The following SRFBP1 variants were observed in gnomAD, a reference collection of about 807,000 sequenced individuals.
SRFBP1 encodes the protein serum response factor binding protein 1, also known as serum response factor-binding protein 1.
Under a neutral mutation model 45.5 loss-of-function variants are expected in SRFBP1, and 47 were observed. That is an observed-to-expected ratio of 1.03 (90% CI 0.82 to 1.32). The LOEUF (loss-of-function observed/expected upper bound fraction) is 1.32, where lower values mean the gene tolerates loss of function less well. Ranked by LOEUF, SRFBP1 falls within the 40% of genes most tolerant of loss-of-function variation. The probability of loss-of-function intolerance (pLI) is 0.00; values close to 1 mark genes in which losing one functional copy is unlikely to be tolerated. For synonymous variants in SRFBP1, 203 were observed against 166.3 expected, an observed-to-expected ratio of 1.22 and a Z score of -1.70; for missense variants, 621 against 484.6, an observed-to-expected ratio of 1.28 and a Z score of -2.64.
chr5:122,059,581 T>A (rs1357863277), intron 2 of SRFBP1, among the ~76,000 whole-genome samples: 1 of 152,054 alleles, frequency 6.6e-6, no homozygotes, highest in Non-Finnish European at 1.5e-5. Context: ...GAGATAATAT[T>A]GGGAGAGGGA....
At chr5:121,967,866 T>C (rs1752106235) in intron 1 of SRFBP1, among the ~76,000 whole-genome samples, 1 of 152,200 alleles carries the variant, frequency 6.6e-6, no homozygotes, top group Non-Finnish European at 1.5e-5. Flanking sequence ...CCAATAATTT[T>C]GTTAACTATG....
chr5:122,052,137 C>T (rs140590751), intron 2 of SRFBP1, among the ~76,000 whole-genome samples: 3 of 152,068 alleles, frequency 2.0e-5, no homozygotes, highest in Non-Finnish European at 2.9e-5. Context: ...GATGGGATTC[C>T]CTTTATAGAT....
intron 2 of SRFBP1, among the ~76,000 whole-genome samples, chr5:122,045,007 C>A (rs1001603364): frequency 3.3e-5 from 5 of 152,092 alleles, no homozygotes; most frequent in Admixed American, 2.6e-4. Context: ...ACATTTAAGT[C>A]TTTAATCCAT....
chr5:122,020,191 T>A lies in SRFBP1; in HGVS notation c.456T>A (p.Asn152Lys). ...ATTCTGAGAATACTTTGTATTCAAA[T>A]GATAATGGAAGTAATTTACAGCGTG... is the stretch of plus-strand genomic sequence containing the variant. ...DNHSENTLYSNDNGSNLQREA... is the reference protein window; with the variant it reads ...DNHSENTLYSKDNGSNLQREA... The change falls in exon 6 of 8, where the codon AAT becomes AAA. Residue 152 changes from asparagine (N) to lysine (K), a missense_variant. Transcript: ENST00000339397. 1 of 1,612,084 alleles carries A rather than the reference T, an allele frequency of 6.2e-7. No individual in the cohort carries two copies. Among genetic ancestry groups the A allele is most frequent in the South Asian group, 1.1e-5 (1 of 90,344 alleles).
chr5:121,984,542 C>A (rs1018238218), intron 3 of SRFBP1, among the ~76,000 whole-genome samples: 1 of 151,860 alleles, frequency 6.6e-6, no homozygotes, highest in Non-Finnish European at 1.5e-5. Flanking sequence ...ATGGGCACAT[C>A]TATGAATAGA....
chr5:121,980,853 A>T (rs1250990012), intron 3 of SRFBP1, among the ~76,000 whole-genome samples: 1 of 152,152 alleles, frequency 6.6e-6, no homozygotes, highest in Non-Finnish European at 1.5e-5. Context: ...TAAGATGTTT[A>T]GAGATTTCTT....
chr5:121,997,918 C>T lies in SRFBP1; in HGVS notation c.270+3248C>T, dbSNP rs867675755. ...CAGCCAAAAAACACATGAAAAAATG[C>T]TCATCATCACTGGCCATCAGAGAAA... On this transcript the variant is annotated intron_variant, in intron 4 of 7. Transcript: ENST00000339397. Among the ~76,000 whole-genome samples, 595 of 149,590 alleles carry T rather than the reference C, an allele frequency of 4.0e-3. 6 individuals carry two copies. Among genetic ancestry groups the T allele is most frequent in the African/African-American group, 0.014 (569 of 40,880 alleles).
Position 121,968,696 on chromosome 5 carries a change from T to C in SRFBP1, c.37-5500T>C, listed in dbSNP as rs138518491. Among the ~76,000 whole-genome samples, 154 of 152,332 alleles carry C rather than the reference T, an allele frequency of 1.0e-3. 3 individuals carry two copies. The East Asian group carries it at 0.013, about 12-fold the overall frequency. ...GAATAGATTCCTAGAAGTAGGACTT[T>C]TGTTAAAGTACAGCATGGTTTCCCC... On this transcript the variant is annotated intron_variant, in intron 1 of 7. Coordinates refer to ENST00000339397, the MANE Select transcript of SRFBP1 (RefSeq NM_152546.3).
intron 4 of SRFBP1, among the ~76,000 whole-genome samples, chr5:122,001,071 G>A (rs1752855592): frequency 6.6e-6 from 1 of 151,876 alleles, no homozygotes; most frequent in Non-Finnish European, 1.5e-5. Context: ...AAGCTCTTAA[G>A]TTTTTCTCTT....
At chr5:121,989,151 C>T (rs975829938) in intron 3 of SRFBP1, among the ~76,000 whole-genome samples, 1 of 152,040 alleles carries the variant, frequency 6.6e-6, no homozygotes, top group Non-Finnish European at 1.5e-5. Context: ...GCAACCTCCA[C>T]CTCCCAGGTT....
chr5:121,979,057 C>G (rs1251864868), intron 3 of SRFBP1, among the ~76,000 whole-genome samples: 1 of 152,050 alleles, frequency 6.6e-6, no homozygotes, highest in African/African-American at 2.4e-5. Context: ...CAGCTTGCTC[C>G]TAAGTGGTTG....
At chr5:122,043,339 C>T (rs1485540494) in intron 2 of SRFBP1, among the ~76,000 whole-genome samples, 2 of 152,116 alleles carry the variant, frequency 1.3e-5, no homozygotes, top group African/African-American at 4.8e-5. Context: ...CCTCAGCCTC[C>T]TGAGTAGCTG....
intron 7 of SRFBP1, among the ~76,000 whole-genome samples, chr5:122,023,346 G>A (rs1482770514): frequency 6.6e-6 from 1 of 152,136 alleles, no homozygotes; most frequent in Non-Finnish European, 1.5e-5. Flanking sequence ...ACTGCATCTA[G>A]CTCAAAGTCC....
rs149966587 is a variant in SRFBP1, at chr5:122,073,321, T to C, written n.312-1994T>C. On this transcript the variant is annotated intron_variant and non_coding_transcript_variant, in intron 2 of 2. Transcript: ENST00000504881. Reference sequence around the variant, plus strand: ...CAAACTGCTTAGTTCAGCACTACTTTAAAAAAATCCATCCAAACAACATCT... The same window carrying C: ...CAAACTGCTTAGTTCAGCACTACTTCAAAAAAATCCATCCAAACAACATCT... Among the ~76,000 whole-genome samples the C allele has an allele frequency of 1.2e-4, 19 of 152,312 alleles. No individual in the cohort carries two copies. The East Asian group carries it at 1.7e-3, about 14-fold the overall frequency.
intron 2 of SRFBP1, chr5:122,073,869 T>G (rs1210338660): frequency 1.4e-6 from 1 of 712,284 alleles, no homozygotes; most frequent in East Asian, 2.5e-5. Context: ...GTATATCATC[T>G]ACAGTTTTCT....
At chr5:121,990,386 A>T (rs1005849007) in intron 3 of SRFBP1, among the ~76,000 whole-genome samples, 1 of 152,140 alleles carries the variant, frequency 6.6e-6, no homozygotes, top group Non-Finnish European at 1.5e-5. Context: ...TTGAGTACCT[A>T]TGGACTTAAA....
chr5:122,002,524 A>G (rs74404811), intron 4 of SRFBP1, among the ~76,000 whole-genome samples: 5,834 of 152,244 alleles, frequency 0.038, 323 homozygotes, highest in African/African-American at 0.12. Flanking sequence ...AGAATTACGT[A>G]TTGTGAAAGG....
intron 1 of SRFBP1, among the ~76,000 whole-genome samples, chr5:121,963,225 G>A (rs1751988477): frequency 6.6e-6 from 1 of 152,174 alleles, no homozygotes; most frequent in Non-Finnish European, 1.5e-5. Flanking sequence ...GATGAAGAAG[G>A]AAATAAAACT....
chr5:122,015,613 A>G (rs568730016), intron 4 of SRFBP1, among the ~76,000 whole-genome samples: 3 of 152,374 alleles, frequency 2.0e-5, no homozygotes, highest in African/African-American at 4.8e-5. Context: ...GCTTTGTTCC[A>G]TAAAACTTTA....
Sources: gnomAD v4.1 joint callset for allele counts (sites outside exome capture counted in the v4.1 genomes callset) on GRCh38, gnomAD v4.1.1 for gene constraint, MANE v1.5 for transcripts, NCBI Gene and HGNC (gene_info 2026-07-23, HGNC 2026-07-21) for gene names.